Variants in STXBP5L observed in about 807,000 individuals in gnomAD.
STXBP5L encodes syntaxin-binding protein 5-like.
In STXBP5L, 65 loss-of-function variants were observed where a neutral mutation model predicts 144.5. That is an observed-to-expected ratio of 0.45 (90% CI 0.37 to 0.55). The LOEUF (loss-of-function observed/expected upper bound fraction) is 0.55. Ranked by LOEUF, STXBP5L falls within the 20% of genes least tolerant of loss-of-function variation. The pLI is 0.00. For missense variants in STXBP5L, 1,298 were observed against 1,405.5 expected, an observed-to-expected ratio of 0.92 and a Z score of 1.22; for synonymous variants, 505 against 469.6, an observed-to-expected ratio of 1.08 and a Z score of -0.97.
At chr3:120,973,906 G>A (rs1940597615) in intron 3 of STXBP5L, among the ~76,000 whole-genome samples, 1 of 152,176 alleles carries the variant, frequency 6.6e-6, no homozygotes, top group Non-Finnish European at 1.5e-5. Context: ...ATTCCATGGT[G>A]TATATATGCC....
intron 10 of STXBP5L, among the ~76,000 whole-genome samples, chr3:121,209,001 G>A (rs1358734591): frequency 6.6e-6 from 1 of 151,926 alleles, no homozygotes; most frequent in African/African-American, 2.4e-5. Context: ...TCCCAATTAT[G>A]AGTGAGAATA....
chr3:121,205,602 C>T (rs886402187), intron 9 of STXBP5L, among the ~76,000 whole-genome samples: 2 of 152,262 alleles, frequency 1.3e-5, no homozygotes, highest in South Asian at 2.1e-4. Flanking sequence ...CAATTCTAAA[C>T]TTATTTTGTC....
At chr3:121,242,482 A>G (rs2049702479) in intron 14 of STXBP5L, among the ~76,000 whole-genome samples, 1 of 152,154 alleles carries the variant, frequency 6.6e-6, no homozygotes, top group African/African-American at 2.4e-5. Flanking sequence ...GGTACAATGT[A>G]ATACCTAAAA....
chr3:121,329,031 A>C (rs2044240574), intron 20 of STXBP5L, among the ~76,000 whole-genome samples: 1 of 152,002 alleles, frequency 6.6e-6, no homozygotes, highest in South Asian at 2.1e-4. Context: ...CATATATATA[A>C]TGCATATGTG....
intron 5 of STXBP5L, among the ~76,000 whole-genome samples, chr3:121,063,344 T>A (rs1434662447): frequency 3.3e-5 from 5 of 152,200 alleles, no homozygotes; most frequent in Non-Finnish European, 7.3e-5. Flanking sequence ...ACAGCAAAGA[T>A]TGCTGCCTGT....
chr3:121,349,090 C>T (rs1194270429), intron 20 of STXBP5L, among the ~76,000 whole-genome samples: 1 of 152,034 alleles, frequency 6.6e-6, no homozygotes, highest in African/African-American at 2.4e-5. Flanking sequence ...CTCTTGTGGG[C>T]ATTTAGTGCT....
chr3:121,306,298 G>A (rs568263541), intron 19 of STXBP5L, among the ~76,000 whole-genome samples: 1 of 152,216 alleles, frequency 6.6e-6, no homozygotes, highest in East Asian at 1.9e-4. Context: ...CCAAGTTGAA[G>A]AGACCAAATT....
At chr3:120,956,937 C>G (rs2107711755) in intron 3 of STXBP5L, among the ~76,000 whole-genome samples, 1 of 151,930 alleles carries the variant, frequency 6.6e-6, no homozygotes, top group East Asian at 1.9e-4. Context: ...CTGTTTTCTT[C>G]TAAGAGTTTT....
In STXBP5L at chr3:121,216,633, T is replaced by C. The variant is rs556727206; in HGVS notation, c.957-6370T>C. The stretch of plus-strand genomic sequence containing the variant: ...TGGTGTCTGTCGATCACTGCTGGGT[T>C]GTGTCTCCCAATCAGGAGGCATGGG... On this transcript the variant is annotated intron_variant, in intron 10 of 26. Transcript: ENST00000471454. Among the ~76,000 whole-genome samples, 423 of 152,244 alleles carry C rather than the reference T, an allele frequency of 2.8e-3. 5 individuals are homozygous for C. Among genetic ancestry groups the C allele is most frequent in the African/African-American group, 9.8e-3 (406 of 41,564 alleles).
rs1576570787 is a variant in STXBP5L, at chr3:120,983,603, T to C, written c.287+28566T>C. Among the ~76,000 whole-genome samples, 3 of 152,240 alleles carry C rather than the reference T, an allele frequency of 2.0e-5. No individual in the cohort carries two copies. The East Asian group carries it at 5.8e-4, about 29-fold the overall frequency. On this transcript the variant is annotated intron_variant, in intron 3 of 26. Transcript: ENST00000471454. The stretch of plus-strand genomic sequence containing the variant: ...AGTTCGAAAATGCCTTTGTGTAATT[T>C]CTAGGCAGTTCCCTTTTATCCTGGA...
rs182346922 is a variant in STXBP5L, at chr3:121,077,427, G to A, written c.470+31892G>A. Among the ~76,000 whole-genome samples, 7 of 152,252 alleles carry A rather than the reference G, an allele frequency of 4.6e-5. No individual in the cohort carries two copies. In the East Asian group the frequency reaches 1.4e-3, roughly 29 times the overall value. Reference sequence around the variant, plus strand: ...GATGTGTTCGGAGTTTCTTCCTTCTGGTGGATTCGTGGTCTCGCTGGCTAG... The same window carrying A: ...GATGTGTTCGGAGTTTCTTCCTTCTAGTGGATTCGTGGTCTCGCTGGCTAG... On this transcript the variant is annotated intron_variant, in intron 5 of 26. Coordinates refer to ENST00000471454, the MANE Select transcript of STXBP5L (RefSeq NM_001308330.2).
intron 19 of STXBP5L, among the ~76,000 whole-genome samples, chr3:121,318,003 G>A (rs1024021203): frequency 3.9e-5 from 6 of 151,918 alleles, no homozygotes; most frequent in African/African-American, 1.2e-4. Flanking sequence ...TCTTATTTAT[G>A]ATCTATTTTC....
At chr3:121,103,939 C>T (rs61795518) in intron 5 of STXBP5L, among the ~76,000 whole-genome samples, 8,070 of 151,870 alleles carry the variant, frequency 0.053, 294 homozygotes, top group Non-Finnish European at 0.078. Flanking sequence ...CGTAAGTGAA[C>T]GAAAATAATA....
At chr3:121,319,602 C>A (rs1475921095) in intron 20 of STXBP5L, among the ~76,000 whole-genome samples, 1 of 151,998 alleles carries the variant, frequency 6.6e-6, no homozygotes. Context: ...TGACACCAAC[C>A]CAATTTAGGT....
intron 5 of STXBP5L, 64 bp from the exon 6 acceptor site, chr3:121,114,861 G>A (rs1015306820): frequency 4.2e-6 from 5 of 1,188,788 alleles, no homozygotes; most frequent in South Asian, 3.7e-5. Flanking sequence ...ATACATGTAA[G>A]GAAAATATAA....
intron 20 of STXBP5L, among the ~76,000 whole-genome samples, chr3:121,352,878 G>A (rs1024040609): frequency 1.3e-5 from 2 of 152,222 alleles, no homozygotes; most frequent in South Asian, 2.1e-4. Context: ...TTTATTGAGA[G>A]TTCTTAGCAT....
At chr3:121,322,355 G>A (rs1434004461) in intron 20 of STXBP5L, among the ~76,000 whole-genome samples, 1 of 151,828 alleles carries the variant, frequency 6.6e-6, no homozygotes, top group Non-Finnish European at 1.5e-5. Flanking sequence ...GTGCATGCCT[G>A]CAATCCCAGC....
At chr3:121,094,565 G>A (rs1187340160) in intron 5 of STXBP5L, among the ~76,000 whole-genome samples, 1 of 151,952 alleles carries the variant, frequency 6.6e-6, no homozygotes, top group Non-Finnish European at 1.5e-5. Flanking sequence ...TTGGTTTAAA[G>A]TCTGTTTTAT....
At chr3:121,073,122 G>A (rs1288344005) in intron 5 of STXBP5L, among the ~76,000 whole-genome samples, 1 of 152,160 alleles carries the variant, frequency 6.6e-6, no homozygotes, top group African/African-American at 2.4e-5. Context: ...TAACATCTGG[G>A]TCTCTTAAGG....
Sources: allele counts gnomAD v4.1 joint callset (sites outside exome capture counted in the v4.1 genomes callset), GRCh38; gene constraint gnomAD v4.1.1; transcripts MANE v1.5; gene names NCBI Gene and HGNC (gene_info 2026-07-23, HGNC 2026-07-21).